CNTRL: variants seen among roughly 807,000 people sequenced by gnomAD.
The protein encoded by CNTRL is centriolin, also known as 110 kDa centrosomal protein.
CNTRL carries 233 observed loss-of-function variants against 303.7 expected under a neutral mutation model. The observed-to-expected ratio is 0.77, with a 90% CI of 0.69 to 0.86. The LOEUF (loss-of-function observed/expected upper bound fraction) is 0.86, where lower values mean the gene tolerates loss of function less well. CNTRL is among the 40% of genes least tolerant of loss of function. CNTRL has a pLI of 0.00. For missense variants in CNTRL, 2,524 were observed against 2,650.6 expected (o/e 0.95, Z 1.05); for synonymous variants, 900 against 922.2 (o/e 0.98, Z 0.44).
chr9:121,144,999 C>A, intron 21 of CNTRL, 40 bp downstream of exon 21: 2 of 1,519,866 alleles, frequency 1.3e-6, no homozygotes, highest in South Asian at 1.1e-5. Flanking sequence ...TTCTCAGATT[C>A]TTATCAGTTC....
At chr9:121,076,293 A>G (rs557749656) in intron 1 of CNTRL, among the ~76,000 whole-genome samples, 1 of 152,318 alleles carries the variant, frequency 6.6e-6, no homozygotes, top group Admixed American at 6.5e-5. Context: ...TGAATAATTA[A>G]TGGAAAGAGA....
intron 4 of CNTRL, among the ~76,000 whole-genome samples, chr9:121,092,581 A>T (rs181832267): frequency 0.042 from 140 of 3,362 alleles, 5 homozygotes; most frequent in African/African-American, 0.09. Context: ...CTATATATAT[A>T]ATATATATCT....
chr9:121,094,086 G>A (rs996659780), intron 4 of CNTRL, among the ~76,000 whole-genome samples: 1 of 151,866 alleles, frequency 6.6e-6, no homozygotes, highest in African/African-American at 2.4e-5. Context: ...CTCCAGCCTG[G>A]CCAACAGCGA....
At chr9:121,094,025 G>A (rs1269029113) in intron 4 of CNTRL, among the ~76,000 whole-genome samples, 3 of 152,034 alleles carry the variant, frequency 2.0e-5, no homozygotes, top group East Asian at 1.9e-4. Context: ...CAGGAGAATC[G>A]CTTGAACCCG....
chr9:121,142,209 T>G lies in CNTRL; in HGVS notation c.2810T>G (p.Leu937Arg). 5 of 1,612,270 alleles carry G rather than the reference T, an allele frequency of 3.1e-6. No individual in the cohort carries two copies. The highest frequency in any genetic ancestry group is 4.2e-6 in the Non-Finnish European group (5 of 1,179,396). Reference protein sequence around the residue: ...EEIQGLTDLQLQEADEEKERI... With the variant: ...EEIQGLTDLQRQEADEEKERI... ...ATCCAAGGCCTTACAGATCTCCAAC[T>G]TCAGGAAGCTGATGAAGAGAAGGAG... The change falls in exon 19 of 44, where the codon CTT (leucine) becomes CGT (arginine). Residue 937 changes from leucine to arginine, a missense_variant. By Grantham distance (102) the Leu-to-Arg change is moderately radical (BLOSUM62 -2). Transcript: ENST00000373855.
At chr9:121,137,954 T>C (rs2051286012) in intron 15 of CNTRL, among the ~76,000 whole-genome samples, 1 of 152,174 alleles carries the variant, frequency 6.6e-6, no homozygotes, top group Admixed American at 6.5e-5. Flanking sequence ...ACTGCCAGGA[T>C]TGGTCTTCAA....
chr9:121,139,590 A>G (rs2051390836), intron 16 of CNTRL, among the ~76,000 whole-genome samples: 1 of 152,232 alleles, frequency 6.6e-6, no homozygotes. Context: ...CATAAAAGAT[A>G]TACATGTTTT....
intron 19 of CNTRL, among the ~76,000 whole-genome samples, 158 bp downstream of exon 19, chr9:121,142,428 C>T (rs1253524690): frequency 6.6e-6 from 1 of 152,164 alleles, no homozygotes; most frequent in Admixed American, 6.5e-5. Context: ...GGATGCATGT[C>T]ATTGAATCAA....
intron 12 of CNTRL, among the ~76,000 whole-genome samples, chr9:121,121,333 C>T (rs999905348): frequency 3.9e-5 from 6 of 152,112 alleles, no homozygotes; most frequent in African/African-American, 1.4e-4. Flanking sequence ...AAGTGAATTG[C>T]CCCTAAGTTA....
intron 7 of CNTRL, among the ~76,000 whole-genome samples, chr9:121,103,097 C>T (rs1395326920): frequency 6.6e-6 from 1 of 152,192 alleles, no homozygotes; most frequent in Non-Finnish European, 1.5e-5. Flanking sequence ...CCAAGACAAT[C>T]CTAAGCAAAA....
chr9:121,145,604 C>T (rs1310341559), intron 22 of CNTRL, among the ~76,000 whole-genome samples: 9 of 152,084 alleles, frequency 5.9e-5, no homozygotes, highest in South Asian at 2.1e-4. Flanking sequence ...ATAAGAGTTT[C>T]GTATTTGTGG....
intron 2 of CNTRL, among the ~76,000 whole-genome samples, chr9:121,084,994 C>T (rs2048290366): frequency 6.6e-6 from 1 of 152,136 alleles, no homozygotes; most frequent in African/African-American, 2.4e-5. Flanking sequence ...CTTTCATTAA[C>T]AAATGCTTTA....
chr9:121,141,359 C>A, intron 17 of CNTRL, 22 bp from the exon 18 acceptor site: 3 of 1,567,770 alleles, frequency 1.9e-6, no homozygotes, highest in South Asian at 2.2e-5. Context: ...ACATTTATAC[C>A]ATTTTTCCCC....
intron 36 of CNTRL, 90 bp from the exon 37 acceptor site, chr9:121,167,399 C>T: frequency 2.0e-6 from 2 of 987,570 alleles, no homozygotes; most frequent in Middle Eastern, 2.1e-4. Flanking sequence ...GCCTCTCGTT[C>T]TGTCAGACTT....
chr9:121,104,408 G>C (rs1471778233), intron 7 of CNTRL, among the ~76,000 whole-genome samples: 1 of 152,174 alleles, frequency 6.6e-6, no homozygotes, highest in Non-Finnish European at 1.5e-5. Flanking sequence ...ATAGCATTAG[G>C]AGAAATACCT....
intron 13 of CNTRL, among the ~76,000 whole-genome samples, chr9:121,125,211 A>G (rs2133499332): frequency 6.7e-6 from 1 of 150,334 alleles, no homozygotes; most frequent in African/African-American, 2.4e-5. Flanking sequence ...TCTGTCACCC[A>G]GGCTGGAGTG....
rs1298330997 is a variant in CNTRL at position 121,135,827 on chromosome 9, G to A, written c.2047G>A (p.Ala683Thr). 1 of 1,612,786 alleles carries A rather than the reference G, an allele frequency of 6.2e-7. No individual in the cohort carries two copies. ...CTAGGAGCTTGCAGAGCTAGAAAGT[G>A]CCCTCCAAGAGCAGCATGAGGTGAA... ...MRKELAELES[A>T]LQEQHEVNAS... The change falls in exon 15 of 44, where the codon GCC (alanine) becomes ACC (threonine). Residue 683 changes from alanine (A) to threonine (T), a missense_variant. Transcript: ENST00000373855.
Position 121,095,644 on chromosome 9 carries a change from G to A in CNTRL, c.479+626G>A, listed in dbSNP as rs546555441. ...ATGGCCAAGAAAATGACTAGCAATG[G>A]CAGAAGTTCTGATATGACAAAACTG... On this transcript the variant is annotated intron_variant, in intron 5 of 43. Transcript: ENST00000373855. Among the ~76,000 whole-genome samples the A allele has an allele frequency of 6.6e-5, 10 of 152,094 alleles. No individual in the cohort carries two copies. In the South Asian group the frequency reaches 1.5e-3, roughly 22 times the overall value.
chr9:121,099,242 C>T (rs2049026721), intron 7 of CNTRL, among the ~76,000 whole-genome samples: 1 of 152,176 alleles, frequency 6.6e-6, no homozygotes, highest in South Asian at 2.1e-4. Context: ...TGCCGTTCTG[C>T]AATATATGCC....
Sources: allele counts gnomAD v4.1 joint callset (sites outside exome capture counted in the v4.1 genomes callset), GRCh38; gene constraint gnomAD v4.1.1; transcripts MANE v1.5; gene names NCBI Gene and HGNC (gene_info 2026-07-23, HGNC 2026-07-21).